The following SYT16 variants were observed in gnomAD, a reference collection of about 807,000 sequenced individuals.
SYT16 encodes the protein synaptotagmin 16.
A neutral mutation model predicts 61.4 loss-of-function variants in SYT16; 42 were observed. That is an observed-to-expected ratio of 0.68 (90% CI 0.53 to 0.89). The LOEUF is 0.89. Among genes scored for constraint, SYT16 ranks in the 40% least tolerant of loss-of-function variants. The pLI, the probability that SYT16 is intolerant of heterozygous loss-of-function variation, is 0.00. For missense variants in SYT16, 804 were observed against 807.3 expected (o/e 1.00, Z 0.05); for synonymous variants, 314 against 302.3 (o/e 1.04, Z -0.40).
In SYT16 at chr14:61,847,987, CCTCAAAACAGCT is replaced by C. The variant is rs2046494017; in HGVS notation, c.-325+35178_-325+35189del. On this transcript the variant is annotated intron_variant, in intron 1 of 7. Coordinates refer to ENST00000683842, the MANE Select transcript of SYT16 (RefSeq NM_001367656.1). ...TGTTATCTTGAATTTCATCGAGTTT[CCTCAAAACAGCT>C]ATTGGATTTTCTGTCTGAAAGGTTA... Among the ~76,000 whole-genome samples, 7 of 152,312 alleles carry C rather than the reference CCTCAAAACAGCT, an allele frequency of 4.6e-5. No homozygotes were observed. In the South Asian group the frequency reaches 1.5e-3, roughly 32 times the overall value.
intron 1 of SYT16, 68 bp downstream of exon 1, chr14:61,812,878 A>C (rs1268251389): frequency 1.3e-5 from 2 of 152,212 alleles, no homozygotes; most frequent in Admixed American, 6.5e-5. Context: ...GGGAAGTTCG[A>C]TTTCAGACGC....
At chr14:61,941,297 C>T (rs1236784185) in intron 1 of SYT16, among the ~76,000 whole-genome samples, 1 of 152,154 alleles carries the variant, frequency 6.6e-6, no homozygotes, top group Non-Finnish European at 1.5e-5. Context: ...CCAAGGACTC[C>T]AAGGGCTCAG....
At chr14:62,033,956 A>G (rs373972972) in intron 3 of SYT16, among the ~76,000 whole-genome samples, 64 of 152,304 alleles carry the variant, frequency 4.2e-4, no homozygotes, top group African/African-American at 1.5e-3. Flanking sequence ...TGCAAATTTT[A>G]TATCTAGTAA....
intron 1 of SYT16, among the ~76,000 whole-genome samples, chr14:61,957,133 AT>A (rs1349154819): frequency 1.3e-5 from 2 of 151,874 alleles, no homozygotes; most frequent in Non-Finnish European, 2.9e-5. Flanking sequence ...AGCACAACTG[AT>A]TTTTATATGT....
chr14:61,886,158 G>C (rs2047892263), intron 1 of SYT16, among the ~76,000 whole-genome samples: 1 of 152,026 alleles, frequency 6.6e-6, no homozygotes, highest in Non-Finnish European at 1.5e-5. Context: ...TAGAGATGGA[G>C]TTTCACCATG....
At position 61,924,934 on chromosome 14, in the gene SYT16, AC is replaced by A. The variant is rs535845975; in HGVS notation, c.-324-45195del. ...TGTGTTAGCTTCTTGATCCTTAGGG[AC>A]CCAGGCTGCTTCTGTCTCATTGCTT... On this transcript the variant is annotated intron_variant, in intron 1 of 7. Coordinates refer to ENST00000683842, the MANE Select transcript of SYT16 (RefSeq NM_001367656.1). Among the ~76,000 whole-genome samples, 130 of 152,242 alleles carry A rather than the reference AC, an allele frequency of 8.5e-4. 1 individual carries two copies. The Middle Eastern group carries it at 0.01, about 12-fold the overall frequency.
chr14:61,906,909 G>A (rs1158151168), intron 1 of SYT16, among the ~76,000 whole-genome samples: 1 of 152,176 alleles, frequency 6.6e-6, no homozygotes, highest in Non-Finnish European at 1.5e-5. Context: ...GAGACACACA[G>A]CACTTTGTGT....
intron 4 of SYT16, among the ~76,000 whole-genome samples, chr14:62,074,893 C>A (rs1207464876): frequency 6.6e-6 from 1 of 152,132 alleles, no homozygotes; most frequent in East Asian, 1.9e-4. Context: ...AATATATATT[C>A]TCTACACTCA....
intron 1 of SYT16, among the ~76,000 whole-genome samples, chr14:61,931,752 AT>A (rs977026603): frequency 6.6e-5 from 10 of 151,742 alleles, no homozygotes; most frequent in African/African-American, 1.5e-4. Flanking sequence ...CTTAGAATAA[AT>A]TTTTTTTTAA....
chr14:61,864,740 G>A, intron 1 of SYT16: 1 of 996,370 alleles, frequency 1.0e-6, no homozygotes, highest in South Asian at 1.5e-5. Flanking sequence ...GTGTCCACTC[G>A]CTACCTGGTT....
chr14:61,971,006 C>T (rs1407170326), intron 2 of SYT16, among the ~76,000 whole-genome samples: 1 of 151,750 alleles, frequency 6.6e-6, no homozygotes, highest in Non-Finnish European at 1.5e-5. Context: ...GCATGATGTA[C>T]CTGGTCAAGG....
chr14:61,972,080 A>C (rs1244575570), intron 2 of SYT16, among the ~76,000 whole-genome samples: 1 of 152,214 alleles, frequency 6.6e-6, no homozygotes, highest in Non-Finnish European at 1.5e-5. Context: ...TATTGGGATT[A>C]TCAGTACATC....
At chr14:61,942,259 T>C (rs999118353) in intron 1 of SYT16, among the ~76,000 whole-genome samples, 3 of 152,230 alleles carry the variant, frequency 2.0e-5, no homozygotes, top group African/African-American at 7.2e-5. Context: ...TTGTTTTGTG[T>C]GGAATAAATT....
chr14:61,910,426 AT>A (rs1439595421), intron 1 of SYT16, among the ~76,000 whole-genome samples: 5 of 151,532 alleles, frequency 3.3e-5, no homozygotes, highest in African/African-American at 1.2e-4. Flanking sequence ...TTTAGTAGAG[AT>A]GGGGTTTTAC....
intron 3 of SYT16, among the ~76,000 whole-genome samples, chr14:62,026,006 A>G (rs1244893623): frequency 6.6e-6 from 1 of 152,146 alleles, no homozygotes; most frequent in African/African-American, 2.4e-5. Flanking sequence ...ATGTGTGGTG[A>G]TTCTCCAAGT....
chr14:61,832,140 C>T (rs926620040), intron 1 of SYT16: 3 of 710,560 alleles, frequency 4.2e-6, no homozygotes, highest in Admixed American at 3.7e-5. Flanking sequence ...CTCGACTTTC[C>T]CATCCGTGGA....
Position 61,888,222 on chromosome 14 carries a change from A to G in SYT16, c.-325+75412A>G, listed in dbSNP as rs1314581228. On this transcript the variant is annotated intron_variant, in intron 1 of 7. Coordinates refer to ENST00000683842, the MANE Select transcript of SYT16 (RefSeq NM_001367656.1). ...AACCTCCGTCTCCCACGTTCTAACG[A>G]TTCTCCTGCCTCAGCCTCCCGAGTA... Among the ~76,000 whole-genome samples the G allele has an allele frequency of 3.3e-5, 5 of 149,834 alleles. No homozygotes were observed. In the South Asian group the frequency reaches 1.0e-3, roughly 31 times the overall value.
chr14:61,821,787 A>G (rs1342273969), intron 1 of SYT16, among the ~76,000 whole-genome samples: 3 of 152,226 alleles, frequency 2.0e-5, no homozygotes, highest in Non-Finnish European at 4.4e-5. Flanking sequence ...TGTGAGTACT[A>G]GGAGATGAGG....
intron 1 of SYT16, among the ~76,000 whole-genome samples, chr14:61,863,051 T>G: frequency 6.6e-6 from 1 of 152,236 alleles, no homozygotes; most frequent in East Asian, 1.9e-4. Context: ...CTTCCAAGTT[T>G]TGGCAATTAT....
Sources: allele counts gnomAD v4.1 joint callset (sites outside exome capture counted in the v4.1 genomes callset), GRCh38; gene constraint gnomAD v4.1.1; transcripts MANE v1.5; gene names NCBI Gene and HGNC (gene_info 2026-07-23, HGNC 2026-07-21).